The following PLOD2 variants were observed in gnomAD, a reference collection of about 807,000 sequenced individuals.
PLOD2 encodes lysine hydroxylase 2.
Under a neutral mutation model 101.0 loss-of-function variants are expected in PLOD2, and 65 were observed. That is an observed-to-expected ratio of 0.64 (90% CI 0.53 to 0.79). PLOD2 has a LOEUF of 0.79. PLOD2 is among the 30% of genes least tolerant of loss of function. The pLI, the probability that PLOD2 is intolerant of heterozygous loss-of-function variation, is 0.00. For missense variants in PLOD2, 909 were observed against 914.6 expected, an observed-to-expected ratio of 0.99 and a Z score of 0.08; for synonymous variants, 314 against 302.9, an observed-to-expected ratio of 1.04 and a Z score of -0.38.
chr3:146,141,722 A>T (rs1033252300), intron 1 of PLOD2, among the ~76,000 whole-genome samples: 1 of 152,102 alleles, frequency 6.6e-6, no homozygotes, highest in Non-Finnish European at 1.5e-5. Flanking sequence ...GTCACTCAAT[A>T]AACATTTTTG....
At chr3:146,160,490 G>A (rs2032519765) in intron 1 of PLOD2, among the ~76,000 whole-genome samples, 1 of 152,132 alleles carries the variant, frequency 6.6e-6, no homozygotes, top group South Asian at 2.1e-4. Flanking sequence ...ACTAAGCCCC[G>A]TGTTTAGGTC....
intron 1 of PLOD2, among the ~76,000 whole-genome samples, chr3:146,126,672 C>A (rs116084788): frequency 0.023 from 3,558 of 152,094 alleles, 136 homozygotes; most frequent in African/African-American, 0.081. Context: ...ACATTTCAAA[C>A]AAATGTTAGT....
intron 1 of PLOD2, among the ~76,000 whole-genome samples, chr3:146,145,068 C>A (rs1049987467): frequency 1.3e-5 from 2 of 152,070 alleles, no homozygotes; most frequent in Non-Finnish European, 2.9e-5. Flanking sequence ...TTCAACATTT[C>A]TTATAGGAGC....
intron 7 of PLOD2, among the ~76,000 whole-genome samples, chr3:146,092,522 A>G (rs190410196): frequency 6.6e-6 from 1 of 152,230 alleles, no homozygotes; most frequent in East Asian, 1.9e-4. Flanking sequence ...GCAACCACTA[A>G]TAACAGTCAT....
rs1445361083 is a variant in PLOD2, at chr3:146,110,459, A to G, written c.339-11T>C. ...AATATGACATCAAAGCTGTTCAATG[A>G]GGAAAAAATGTGTTTTAAAATACAC... On this transcript the variant is annotated splice_polypyrimidine_tract_variant and intron_variant, in intron 3 of 19. Coordinates refer to ENST00000282903, the MANE Select transcript of PLOD2 (RefSeq NM_182943.3). The G allele has an allele frequency of 6.3e-7, 1 of 1,584,246 alleles. No homozygotes were observed.
intron 1 of PLOD2, among the ~76,000 whole-genome samples, chr3:146,130,908 T>A (rs1171391819): frequency 6.6e-6 from 1 of 152,170 alleles, no homozygotes; most frequent in Admixed American, 6.5e-5. Context: ...AAAGTTGGAT[T>A]CCATATGGTT....
At chr3:146,099,898 T>C (rs1937326952) in intron 7 of PLOD2, among the ~76,000 whole-genome samples, 1 of 151,518 alleles carries the variant, frequency 6.6e-6, no homozygotes, top group African/African-American at 2.4e-5. Flanking sequence ...TTTTTTTTTT[T>C]TGAGACAGAG....
intron 7 of PLOD2, among the ~76,000 whole-genome samples, chr3:146,096,650 A>C (rs1244918951): frequency 2.7e-5 from 3 of 111,668 alleles, no homozygotes; most frequent in Non-Finnish European, 5.6e-5. Context: ...CTGCCTGGCA[A>C]CCGCCCCGTC....
chr3:146,108,094 C>A (rs1937567789), intron 4 of PLOD2, among the ~76,000 whole-genome samples: 1 of 152,028 alleles, frequency 6.6e-6, no homozygotes, highest in Non-Finnish European at 1.5e-5. Flanking sequence ...ATTTTACAGA[C>A]CCCAAATGTC....
In PLOD2 at chr3:146,081,738, A is replaced by C. The variant is rs375791379; in HGVS notation, c.1358T>G (p.Val453Gly). Reference protein sequence around the residue: ...DYVDIVQGNRVGVWNVPYMAN... With the variant: ...DYVDIVQGNRGGVWNVPYMAN... ...TAAAATATTAAACCAAGTAACTTACACTCTATTCCCTTGAACAATATCCAC... is the reference window on the plus strand; with the variant it reads ...TAAAATATTAAACCAAGTAACTTACCCTCTATTCCCTTGAACAATATCCAC... The change falls in exon 12 of 20, where the codon GTA becomes GGA. Residue 453 changes from valine (V) to glycine (G), a missense_variant and splice_region_variant. By Grantham distance (109) the Val-to-Gly change is moderately radical. Coordinates refer to ENST00000282903, the MANE Select transcript of PLOD2 (RefSeq NM_182943.3). 2 of 1,603,676 alleles carry C rather than the reference A, an allele frequency of 1.2e-6. No individual in the cohort carries two copies. The highest frequency in any genetic ancestry group is 1.3e-5 in the African/African-American group (1 of 74,666).
intron 15 of PLOD2, 54 bp downstream of exon 15, chr3:146,076,728 T>G (rs939955513): frequency 7.1e-5 from 63 of 888,990 alleles, no homozygotes; most frequent in Admixed American, 1.5e-4. Context: ...ACCAACTGAT[T>G]TATAACCACT....
intron 1 of PLOD2, 67 bp downstream of exon 1, chr3:146,160,814 T>C (rs1054304802): frequency 1.0e-6 from 1 of 989,756 alleles, no homozygotes. Flanking sequence ...GAAGGGCTGG[T>C]GGATGAATGA....
chr3:146,122,932 C>T (rs979324838), intron 2 of PLOD2, among the ~76,000 whole-genome samples: 1 of 152,100 alleles, frequency 6.6e-6, no homozygotes, highest in Non-Finnish European at 1.5e-5. Flanking sequence ...TTATTTTATC[C>T]TAATTTTATT....
intron 3 of PLOD2, among the ~76,000 whole-genome samples, chr3:146,110,815 G>A (rs1275883014): frequency 6.6e-6 from 1 of 151,972 alleles, no homozygotes; most frequent in Non-Finnish European, 1.5e-5. Context: ...TACGGAAGTT[G>A]CCATAACTGC....
At chr3:146,083,929 G>C (rs190269668) in intron 11 of PLOD2, among the ~76,000 whole-genome samples, 5 of 151,108 alleles carry the variant, frequency 3.3e-5, no homozygotes, top group African/African-American at 1.2e-4. Context: ...TATTAAGAGG[G>C]ATATATGTCA....
chr3:146,118,473 A>G (rs2108085158), intron 3 of PLOD2, among the ~76,000 whole-genome samples: 1 of 124,102 alleles, frequency 8.1e-6, no homozygotes, highest in Non-Finnish European at 1.9e-5. Context: ...GCATAAAAAT[A>G]TTACTCTTAT....
intron 5 of PLOD2, among the ~76,000 whole-genome samples, chr3:146,105,834 G>A (rs1937527176): frequency 6.6e-6 from 1 of 152,110 alleles, no homozygotes; most frequent in Non-Finnish European, 1.5e-5. Context: ...AGCTCAGAGA[G>A]GTACAAAGGG....
chr3:146,123,314 A>G, intron 2 of PLOD2: 2 of 1,160,764 alleles, frequency 1.7e-6, no homozygotes, highest in Non-Finnish European at 2.2e-6. Context: ...CTTGGCTGAC[A>G]GATCCTTCTT....
In PLOD2 at chr3:146,070,799, G is replaced by A; in HGVS notation, c.2195C>T (p.Pro732Leu). The change falls in exon 20 of 20, where the codon CCT becomes CTT. Residue 732 changes from proline to leucine, a missense_variant. Coordinates refer to ENST00000282903, the MANE Select transcript of PLOD2 (RefSeq NM_182943.3). ...SPRKGWSFMH[P>L]GRLTHLHEGL... ...TTCATGCAAATGTGTGAGTCTCCCA[G>A]GATGCATGAAGCTCCAGCCTTTTCG... is the stretch of plus-strand genomic sequence containing the variant. 1 of 1,609,116 alleles carries A rather than the reference G, an allele frequency of 6.2e-7. No homozygotes were observed. The highest frequency in any genetic ancestry group is 8.5e-7 in the Non-Finnish European group (1 of 1,176,228).
Sources: gnomAD v4.1 joint callset for allele counts (sites outside exome capture counted in the v4.1 genomes callset) on GRCh38, gnomAD v4.1.1 for gene constraint, MANE v1.5 for transcripts, NCBI Gene and HGNC (gene_info 2026-07-23, HGNC 2026-07-21) for gene names.